The following ABCA4 variants were observed in gnomAD, a reference collection of about 807,000 sequenced individuals.
ABCA4 encodes retinal-specific phospholipid-transporting ATPase ABCA4.
Under a neutral mutation model 263.7 loss-of-function variants are expected in ABCA4, and 196 were observed. The observed-to-expected ratio is 0.74, with a 90% CI of 0.66 to 0.84. ABCA4 has a LOEUF of 0.84. Ranked by LOEUF, ABCA4 falls within the 40% of genes least tolerant of loss-of-function variation. ABCA4 has a pLI of 0.00. For synonymous variants in ABCA4, 1,133 were observed against 1,094.2 expected, an observed-to-expected ratio of 1.04 and a Z score of -0.70; for missense variants, 2,792 against 2,855.1, an observed-to-expected ratio of 0.98 and a Z score of 0.50.
At chr1:94,046,455 C>CAAAAAAAAAAAAAAAA (rs61333901) in intron 19 of ABCA4, among the ~76,000 whole-genome samples, 20 of 42,232 alleles carry the variant, frequency 4.7e-4, no homozygotes, top group African/African-American at 5.5e-4. Context: ...GTTACTATCT[C>CAAAAAAAAAAAAAAAA]AAAAAAAAAA....
At position 94,104,612 on chromosome 1, in the gene ABCA4, C is replaced by T. The variant is rs538598102; in HGVS notation, c.443-1470G>A. Among the ~76,000 whole-genome samples the T allele has an allele frequency of 1.4e-4, 22 of 152,326 alleles. 1 individual carries two copies. In the East Asian group the frequency reaches 2.5e-3, roughly 17 times the overall value. On this transcript the variant is annotated intron_variant, in intron 4 of 49. Coordinates refer to ENST00000370225, the MANE Select transcript of ABCA4 (RefSeq NM_000350.3). ...TCCATGCAGCTGGGGCAGGGGAAGC[C>T]GGTCTTGAAGTTCGACCACACAGTG...
chr1:94,064,552 C>T (rs1302818512), intron 11 of ABCA4, among the ~76,000 whole-genome samples: 1 of 152,210 alleles, frequency 6.6e-6, no homozygotes, highest in Non-Finnish European at 1.5e-5. Context: ...CCATCTGTGG[C>T]TGTGCTTTAG....
chr1:94,034,385 T>C (rs572889637), intron 26 of ABCA4, among the ~76,000 whole-genome samples: 5 of 152,138 alleles, frequency 3.3e-5, no homozygotes, highest in Non-Finnish European at 5.9e-5. Context: ...ATCATTTCCA[T>C]GTTGATCCCT....
rs142076270 is a variant in ABCA4 at position 94,080,674 on chromosome 1, C to T, written c.903G>A (p.Arg301=). The T allele has an allele frequency of 2.4e-5, 38 of 1,613,966 alleles. No individual in the cohort carries two copies. The African/African-American group carries it at 4.0e-4, about 17-fold the overall frequency. ...PSMQDLLWVT[R]PLMQNGGPET... ...CTGGACCACCATTCTGCATGAGGGG[C>T]CTGGTCACCCACAGCAAGTCCTGCA... The change falls in exon 8 of 50, where the codon AGG becomes AGA. Residue 301 remains arginine (R), a synonymous_variant. Coordinates refer to ENST00000370225, the MANE Select transcript of ABCA4 (RefSeq NM_000350.3).
In ABCA4 at chr1:94,043,211, G is replaced by A. The variant is rs942135515; in HGVS notation, c.3190+125C>T. On this transcript the variant is annotated intron_variant, in intron 21 of 49. Coordinates refer to ENST00000370225, the MANE Select transcript of ABCA4 (RefSeq NM_000350.3). ...TGGGGGCTGCTCTTAGATTTTTGGT[G>A]TAACTTCACAGAGGTGTTCCCACCC... 5 of 1,378,824 alleles carry A rather than the reference G, an allele frequency of 3.6e-6. No homozygotes were observed. In the African/African-American group the frequency reaches 7.2e-5, roughly 20 times the overall value. The allele number at this position is 1,378,824 out of a possible 1,614,324, so 85.4% of individuals were successfully genotyped here.
At chr1:94,008,721 G>C (rs375131430) in intron 41 of ABCA4, 30 bp downstream of exon 41, 254 of 1,613,550 alleles carry the variant, frequency 1.6e-4, no homozygotes, top group Non-Finnish European at 2.1e-4. Flanking sequence ...GATCTAACCA[G>C]CACCTCCAAA....
At chr1:94,000,749 C>T in intron 47 of ABCA4, 87 bp downstream of exon 47, 1 of 1,391,476 alleles carries the variant, frequency 7.2e-7, no homozygotes, top group Non-Finnish European at 1.0e-6. Context: ...GACGGAGCAG[C>T]AGGACTCTTC....
In ABCA4 at chr1:94,021,727, TAAAC is replaced by T. The variant is rs757283043; in HGVS notation, c.4774-17_4774-14del. 2.5e-6 allele frequency: 4 copies of T among 1,605,990 alleles called. No homozygotes were observed. The highest frequency in any genetic ancestry group is 1.7e-5 in the Admixed American group (1 of 59,166). ...TAGTGATAGGGCCCTAAAAACCATG[TAAAC>T]AAACAAACAAGACGGTTTTAATTTT... On this transcript the variant is annotated splice_polypyrimidine_tract_variant and intron_variant, in intron 33 of 49. Transcript: ENST00000370225.
chr1:94,083,375 CA>C lies in ABCA4; in HGVS notation c.834del (p.Asp279IlefsTer21), dbSNP rs779743222. 1.2e-6 allele frequency: 2 copies of C among 1,612,892 alleles called. No individual in the cohort carries two copies. The highest frequency in any genetic ancestry group is 2.7e-5 in the African/African-American group (2 of 75,004). ...ACCTCTTGAATTCTTGGTGACATAT[CA>C]GATAATATTCCTCCCCAAGATCTCA... ...INLRSWGGIL[S>X]DMSPRIQEFI... On this transcript the variant is annotated frameshift_variant, in exon 7 of 50. Coordinates refer to ENST00000370225, the MANE Select transcript of ABCA4 (RefSeq NM_000350.3). LOFTEE classifies it high-confidence loss of function.
At position 94,079,607 on chromosome 1, in the gene ABCA4, C is replaced by T. The variant is rs1661635045; in HGVS notation, c.1100-146G>A. 2.6e-6 allele frequency: 3 copies of T among 1,167,264 alleles called. No individual in the cohort carries two copies. The South Asian group carries it at 3.9e-5, about 15-fold the overall frequency. 72.3% of individuals were successfully genotyped at this position (1,167,264 alleles called of 1,614,324 possible). ...ACCTAAATTAATAGGCTGTACCCCA[C>T]CAATAACAAGCTCATCATTAGTAGC... is the stretch of plus-strand genomic sequence containing the variant. On this transcript the variant is annotated intron_variant, in intron 8 of 49. Transcript: ENST00000370225.
chr1:94,070,163 A>G (rs948899694), intron 11 of ABCA4, among the ~76,000 whole-genome samples: 2 of 152,220 alleles, frequency 1.3e-5, no homozygotes, highest in Non-Finnish European at 2.9e-5. Context: ...GACCAATCAG[A>G]CCACATTCTG....
intron 29 of ABCA4, 147 bp from the exon 30 acceptor site, chr1:94,029,778 A>C: frequency 1.2e-6 from 1 of 808,910 alleles, no homozygotes; most frequent in Non-Finnish European, 2.0e-6. Flanking sequence ...TTTCTGCTCA[A>C]GCAATATCAA....
chr1:94,010,618 T>C (rs1659517375), intron 40 of ABCA4, 182 bp downstream of exon 40: 3 of 828,960 alleles, frequency 3.6e-6, no homozygotes, highest in Non-Finnish European at 6.0e-6. Flanking sequence ...TCTTCACATA[T>C]TTGAATGTGC....
chr1:93,992,877 T>G lies in ABCA4; in HGVS notation c.*360A>C. 2.9e-6 allele frequency: 1 copy of G among 349,124 alleles called. No homozygotes were observed. The highest frequency in any genetic ancestry group is 6.0e-5 in the East Asian group (1 of 16,664). The allele number at this position is 349,124 out of a possible 1,614,324, so 21.6% of individuals were successfully genotyped here. On this transcript the variant is annotated 3_prime_UTR_variant, in exon 50 of 50. Transcript: ENST00000370225. ...TTTGCATTTTATTTTTCCATGAAAA[T>G]CACACACAACGCAGACACACAGACA...
chr1:94,080,995 C>T (rs538434911), intron 7 of ABCA4, among the ~76,000 whole-genome samples: 7 of 152,204 alleles, frequency 4.6e-5, no homozygotes, highest in South Asian at 2.1e-4. Context: ...GAGGCCGAGG[C>T]GGGCGGATCA....
At chr1:94,016,817 A>G (rs749445501) in intron 36 of ABCA4, among the ~76,000 whole-genome samples, 1 of 152,154 alleles carries the variant, frequency 6.6e-6, no homozygotes, top group Non-Finnish European at 1.5e-5. Context: ...CAATGAACAT[A>G]TCTAGCACTC....
In ABCA4 at chr1:94,010,893, A is replaced by T. The variant is rs1659526187; in HGVS notation, c.5621T>A (p.Leu1874Gln). Residue 1874 changes from leucine to glutamine, a missense_variant, in exon 40 of 50, where the codon CTG becomes CAG. Leu to Gln is a moderately radical substitution (Grantham distance 113). Coordinates refer to ENST00000370225, the MANE Select transcript of ABCA4 (RefSeq NM_000350.3). ...EHSANPFHWD[L>Q]IGKNLFAMVV... ...CATGGCAAACAGGTTCTTCCCAATC[A>T]GGTCCCAGTGGAACGGATTTGCAGA... The T allele has an allele frequency of 1.2e-6, 2 of 1,614,032 alleles. No individual in the cohort carries two copies. The highest frequency in any genetic ancestry group is 1.7e-6 in the Non-Finnish European group (2 of 1,180,036).
In ABCA4 at chr1:94,025,040, C is replaced by G; in HGVS notation, c.4548G>C (p.Gln1516His). Residue 1516 changes from glutamine (Q) to histidine (H), a missense_variant, in exon 31 of 50, where the codon CAG becomes CAC. Transcript: ENST00000370225. Reference protein sequence around the residue: ...AGGLPPPQRTQRSTEILQDLT... With the variant: ...AGGLPPPQRTHRSTEILQDLT... ...GGTCTTGTAGAATTTCCGTGCTGCG[C>G]TGTGTTCTCTGAGGCAATGAGACAC... 1 of 1,614,156 alleles carries G rather than the reference C, an allele frequency of 6.2e-7. No individual in the cohort carries two copies. The highest frequency in any genetic ancestry group is 8.5e-7 in the Non-Finnish European group (1 of 1,179,998).
chr1:94,015,294 G>A (rs1016572739), intron 37 of ABCA4, among the ~76,000 whole-genome samples: 2 of 152,186 alleles, frequency 1.3e-5, no homozygotes, highest in African/African-American at 4.8e-5. Context: ...TAACCCCTGT[G>A]TCATCCTCTG....
Sources: gnomAD v4.1 joint callset for allele counts (sites outside exome capture counted in the v4.1 genomes callset) on GRCh38, gnomAD v4.1.1 for gene constraint, MANE v1.5 for transcripts, NCBI Gene and HGNC (gene_info 2026-07-23, HGNC 2026-07-21) for gene names.